The following CRACD variants were observed in gnomAD, a reference collection of about 807,000 sequenced individuals.
The protein encoded by CRACD is capping protein inhibiting regulator of actin dynamics.
CRACD carries 56 observed loss-of-function variants against 106.8 expected under a neutral mutation model. That is an observed-to-expected ratio of 0.52 (90% CI 0.42 to 0.66). CRACD has a LOEUF of 0.66. CRACD is among the 30% of genes least tolerant of loss of function. The probability of loss-of-function intolerance (pLI) is 0.00; values close to 1 mark genes in which losing one functional copy is unlikely to be tolerated. For synonymous variants in CRACD, 754 were observed against 670.8 expected, an observed-to-expected ratio of 1.12 and a Z score of -1.92; for missense variants, 1,730 against 1,623.2, an observed-to-expected ratio of 1.07 and a Z score of -1.13.
intron 1 of CRACD, among the ~76,000 whole-genome samples, chr4:56,117,268 G>A (rs903965244): frequency 5.3e-5 from 8 of 151,980 alleles, no homozygotes; most frequent in South Asian, 2.1e-4. Context: ...GGATCTGCCC[G>A]TCTCGGCCTC....
At chr4:56,122,160 G>A (rs1560457437) in intron 1 of CRACD, among the ~76,000 whole-genome samples, 1 of 151,632 alleles carries the variant, frequency 6.6e-6, no homozygotes, top group Non-Finnish European at 1.5e-5. Context: ...ACTCTAGCCT[G>A]GCAACTTAGT....
intron 2 of CRACD, among the ~76,000 whole-genome samples, chr4:56,204,338 GA>G (rs1478454916): frequency 6.6e-6 from 1 of 152,232 alleles, no homozygotes; most frequent in East Asian, 1.9e-4. Context: ...AACTCGAAAA[GA>G]AAAGAAATTT....
At chr4:56,254,719 CT>C (rs1329324135) in intron 2 of CRACD, among the ~76,000 whole-genome samples, 1 of 151,998 alleles carries the variant, frequency 6.6e-6, no homozygotes, top group African/African-American at 2.4e-5. Flanking sequence ...TCTCTAAGAG[CT>C]TTTACATACT....
chr4:56,230,374 T>C (rs1395495094), intron 2 of CRACD, among the ~76,000 whole-genome samples: 1 of 152,114 alleles, frequency 6.6e-6, no homozygotes, highest in African/African-American at 2.4e-5. Context: ...GAAAAGCAGG[T>C]ATACATCAAT....
chr4:56,091,754 A>G (rs1733432260), intron 1 of CRACD, among the ~76,000 whole-genome samples: 1 of 152,142 alleles, frequency 6.6e-6, no homozygotes, highest in Non-Finnish European at 1.5e-5. Flanking sequence ...TTTCCATATG[A>G]TATTGTTCTA....
chr4:56,253,295 T>C (rs1741153581), intron 2 of CRACD, among the ~76,000 whole-genome samples: 1 of 152,192 alleles, frequency 6.6e-6, no homozygotes, highest in Non-Finnish European at 1.5e-5. Context: ...ATGCATATAA[T>C]TAATAGGTAA....
chr4:56,189,817 A>T (rs893806514), intron 2 of CRACD, among the ~76,000 whole-genome samples: 2 of 143,674 alleles, frequency 1.4e-5, no homozygotes, highest in Non-Finnish European at 3.0e-5. Context: ...TATTATTATT[A>T]CTATTATTAT....
At chr4:56,183,240 TAA>T (rs1452464841) in intron 2 of CRACD, among the ~76,000 whole-genome samples, 2 of 101,922 alleles carry the variant, frequency 2.0e-5, no homozygotes, top group Admixed American at 1.1e-4. Context: ...TCTCAAAAAA[TAA>T]AATAAAATAA....
At chr4:56,078,988 C>A (rs1293655366) in intron 1 of CRACD, among the ~76,000 whole-genome samples, 2 of 152,134 alleles carry the variant, frequency 1.3e-5, no homozygotes, top group Non-Finnish European at 2.9e-5. Flanking sequence ...TGGAGTAATT[C>A]ACATATGGAG....
At chr4:56,084,847 A>G (rs1270172187) in intron 1 of CRACD, among the ~76,000 whole-genome samples, 1 of 152,186 alleles carries the variant, frequency 6.6e-6, no homozygotes, top group Non-Finnish European at 1.5e-5. Flanking sequence ...TTTCCTTGGA[A>G]GTTTCTAGGT....
intron 2 of CRACD, among the ~76,000 whole-genome samples, chr4:56,262,641 C>T (rs1489000358): frequency 6.6e-6 from 1 of 152,172 alleles, no homozygotes; most frequent in Non-Finnish European, 1.5e-5. Flanking sequence ...CCTACTGTTT[C>T]TCACAGGGTG....
intron 3 of CRACD, among the ~76,000 whole-genome samples, chr4:56,274,600 C>T (rs931811736): frequency 5.3e-5 from 8 of 152,212 alleles, no homozygotes; most frequent in African/African-American, 1.4e-4. Context: ...AGCTGCATTT[C>T]TAATAATGTC....
chr4:56,121,554 G>C (rs1734484114), intron 1 of CRACD, among the ~76,000 whole-genome samples: 1 of 152,210 alleles, frequency 6.6e-6, no homozygotes. Flanking sequence ...TTAGGCAGGG[G>C]AATTGCTTGA....
At position 56,324,072 on chromosome 4, in the gene CRACD, C is replaced by T. The variant is rs777469216; in HGVS notation, c.3379-32C>T. The stretch of plus-strand genomic sequence containing the variant: ...GTCTTTCCATGTCTTAGGTTGAAAA[C>T]ATGTTTCCCATGACTGTCTCTGCCC... On this transcript the variant is annotated intron_variant, in intron 9 of 10. Transcript: ENST00000682029. 7.6e-6 allele frequency: 12 copies of T among 1,577,024 alleles called. No homozygotes were observed. In the Middle Eastern group the frequency reaches 1.3e-3, roughly 167 times the overall value.
At chr4:56,176,666 A>T (rs1252478352) in intron 1 of CRACD, among the ~76,000 whole-genome samples, 6 of 151,970 alleles carry the variant, frequency 3.9e-5, no homozygotes, top group Non-Finnish European at 7.4e-5. Flanking sequence ...CGATCTCCTG[A>T]CCTTGTGATC....
chr4:56,237,930 ATATG>A (rs1304491774), intron 2 of CRACD, among the ~76,000 whole-genome samples: 1 of 146,968 alleles, frequency 6.8e-6, no homozygotes, highest in East Asian at 2.6e-4. Flanking sequence ...ACATGAAAAT[ATATG>A]TGTTATATGT....
intron 1 of CRACD, among the ~76,000 whole-genome samples, chr4:56,161,150 T>C (rs768483917): frequency 1.3e-5 from 2 of 152,230 alleles, no homozygotes; most frequent in Non-Finnish European, 2.9e-5. Context: ...TCTCGGTCTA[T>C]GGATTTGTAG....
At chr4:56,063,101 A>C (rs920719257) in intron 1 of CRACD, among the ~76,000 whole-genome samples, 5 of 152,244 alleles carry the variant, frequency 3.3e-5, no homozygotes, top group Non-Finnish European at 7.3e-5. Context: ...AGGAAAGAAG[A>C]AAAGAAGTTC....
At chr4:56,214,551 C>T (rs747934652) in intron 2 of CRACD, among the ~76,000 whole-genome samples, 4 of 150,822 alleles carry the variant, frequency 2.7e-5, no homozygotes, top group South Asian at 4.2e-4. Flanking sequence ...GAGATTGCAC[C>T]GTTGCACTCC....
Sources: gnomAD v4.1 joint callset for allele counts (sites outside exome capture counted in the v4.1 genomes callset) on GRCh38, gnomAD v4.1.1 for gene constraint, MANE v1.5 for transcripts, NCBI Gene and HGNC (gene_info 2026-07-23, HGNC 2026-07-21) for gene names.